The following RAB38 variants were observed in gnomAD, a reference collection of about 807,000 sequenced individuals.
The protein encoded by RAB38 is ras-related protein Rab-38.
A neutral mutation model predicts 18.4 loss-of-function variants in RAB38; 15 were observed. The ratio of observed to expected loss-of-function variants is 0.82; its 90% confidence interval spans 0.55 to 1.26. The LOEUF (loss-of-function observed/expected upper bound fraction) is 1.26, where lower values mean the gene tolerates loss of function less well. RAB38 is among the 50% of genes most tolerant of loss of function. RAB38 has a pLI of 0.00. For synonymous variants in RAB38, 101 were observed against 104.4 expected, an observed-to-expected ratio of 0.97 and a Z score of 0.20; for missense variants, 294 against 267.4, an observed-to-expected ratio of 1.10 and a Z score of -0.69.
At chr11:88,121,739 T>G (rs978170494) in intron 2 of RAB38, among the ~76,000 whole-genome samples, 7 of 152,274 alleles carry the variant, frequency 4.6e-5, no homozygotes, top group African/African-American at 1.7e-4. Flanking sequence ...ATTTTTTGTA[T>G]TTTTAGTAGA....
chr11:87,914,987 C>G, the RAB38 span, among the ~76,000 whole-genome samples: 2 of 152,122 alleles, frequency 1.3e-5, no homozygotes, highest in African/African-American at 4.8e-5. Flanking sequence ...GAGGTTGTAT[C>G]AGAAAACTTG....
chr11:87,823,310 A>T, the RAB38 span, among the ~76,000 whole-genome samples: 2 of 152,132 alleles, frequency 1.3e-5, no homozygotes, highest in African/African-American at 4.8e-5. Flanking sequence ...TAGATTAAAA[A>T]ACTGAATATT....
the RAB38 span, among the ~76,000 whole-genome samples, chr11:87,891,452 T>C: frequency 3.3e-5 from 5 of 151,958 alleles, no homozygotes; most frequent in African/African-American, 4.8e-5. Flanking sequence ...GATTTTGTGA[T>C]TGGATTGTGT....
the RAB38 span, among the ~76,000 whole-genome samples, chr11:87,966,308 A>G: frequency 6.6e-6 from 1 of 152,158 alleles, no homozygotes; most frequent in Non-Finnish European, 1.5e-5. Flanking sequence ...CAAGTCTGAA[A>G]CTATTATATT....
At chr11:87,845,856 A>G in the RAB38 span, among the ~76,000 whole-genome samples, 1 of 152,122 alleles carries the variant, frequency 6.6e-6, no homozygotes, top group African/African-American at 2.4e-5. Context: ...GAAACTGCCA[A>G]AGCCAAAGAC....
chr11:88,077,211 A>T, the RAB38 span, among the ~76,000 whole-genome samples: 1 of 151,970 alleles, frequency 6.6e-6, no homozygotes, highest in East Asian at 1.9e-4. Flanking sequence ...AATTAAAATG[A>T]CAATATGACC....
chr11:88,107,392 T>C, the RAB38 span, among the ~76,000 whole-genome samples: 1 of 152,140 alleles, frequency 6.6e-6, no homozygotes, highest in African/African-American at 2.4e-5. Flanking sequence ...TTTTACCTAA[T>C]AGCTTTGCTT....
the RAB38 span, among the ~76,000 whole-genome samples, chr11:88,022,252 T>C: frequency 9.0e-6 from 1 of 110,962 alleles, no homozygotes; most frequent in Non-Finnish European, 1.9e-5. Context: ...CACAAGATTA[T>C]TTCAACTGAT....
At chr11:87,970,101 T>C in the RAB38 span, among the ~76,000 whole-genome samples, 1 of 151,958 alleles carries the variant, frequency 6.6e-6, no homozygotes. Flanking sequence ...GGCTCAGAAG[T>C]AGAACTAGTT....
At chr11:87,972,499 G>A in the RAB38 span, among the ~76,000 whole-genome samples, 1 of 145,608 alleles carries the variant, frequency 6.9e-6, no homozygotes, top group Non-Finnish European at 1.5e-5. Flanking sequence ...ACATATGCTT[G>A]CTCCAATTAG....
chr11:87,809,409 G>T, the RAB38 span, among the ~76,000 whole-genome samples: 1 of 152,166 alleles, frequency 6.6e-6, no homozygotes, highest in African/African-American at 2.4e-5. Flanking sequence ...GCTTGATCTT[G>T]CCAGGGCTGC....
At chr11:87,880,127 A>G in the RAB38 span, 1 of 151,756 alleles carries the variant, frequency 6.6e-6, no homozygotes. Flanking sequence ...CGTATTTTCT[A>G]TACTTGTTGA....
rs576204257 is a variant in RAB38, at chr11:88,155,733, G to T, written c.203-5778C>A. On this transcript the variant is annotated intron_variant, in intron 1 of 2. Coordinates refer to ENST00000243662, the MANE Select transcript of RAB38 (RefSeq NM_022337.3). ...TGACAGATAAAGAATTCAAATCATGGATTGCAAGGCAGCTCAATGAGATCC... is the reference window on the plus strand; with the variant it reads ...TGACAGATAAAGAATTCAAATCATGTATTGCAAGGCAGCTCAATGAGATCC... 2.0e-5 allele frequency among the ~76,000 whole-genome samples: 3 copies of T among 152,292 alleles called. No individual in the cohort carries two copies. The South Asian group carries it at 6.2e-4, about 32-fold the overall frequency.
At chr11:88,115,298 C>T (rs1397426963) in intron 2 of RAB38, among the ~76,000 whole-genome samples, 1 of 152,158 alleles carries the variant, frequency 6.6e-6, no homozygotes, top group South Asian at 2.1e-4. Flanking sequence ...ACTACAGAAC[C>T]TTGTTGTCCA....
At chr11:87,919,674 C>T in the RAB38 span, among the ~76,000 whole-genome samples, 15 of 151,788 alleles carry the variant, frequency 9.9e-5, no homozygotes, top group African/African-American at 3.6e-4. Flanking sequence ...TTGAGAAAGA[C>T]TGGTATTAGT....
the RAB38 span, among the ~76,000 whole-genome samples, chr11:88,084,374 A>G: frequency 6.6e-6 from 1 of 151,786 alleles, no homozygotes; most frequent in African/African-American, 2.4e-5. Context: ...GAAATATAAA[A>G]GTGAATGGAG....
At chr11:88,131,550 T>C (rs1385921698) in intron 2 of RAB38, among the ~76,000 whole-genome samples, 3 of 152,212 alleles carry the variant, frequency 2.0e-5, no homozygotes, top group Admixed American at 6.5e-5. Flanking sequence ...CCTATAAAAC[T>C]ATCAATTTCT....
At chr11:88,035,858 G>A in the RAB38 span, among the ~76,000 whole-genome samples, 1 of 151,226 alleles carries the variant, frequency 6.6e-6, no homozygotes, top group Non-Finnish European at 1.5e-5. Context: ...TAACCTCAAT[G>A]CCCTTTTTTT....
the RAB38 span, among the ~76,000 whole-genome samples, chr11:87,968,031 A>G: frequency 6.6e-6 from 1 of 152,172 alleles, no homozygotes; most frequent in African/African-American, 2.4e-5. Context: ...TCTCCAATAT[A>G]TTCTTTTTCA....
Sources: allele counts gnomAD v4.1 joint callset (sites outside exome capture counted in the v4.1 genomes callset), GRCh38; gene constraint gnomAD v4.1.1; transcripts MANE v1.5; gene names NCBI Gene and HGNC (gene_info 2026-07-23, HGNC 2026-07-21).